ZNF385D: variants seen among roughly 807,000 people sequenced by gnomAD.
ZNF385D encodes zinc finger protein 385D, also known as zinc finger protein 659.
In ZNF385D, 15 loss-of-function variants were observed where a neutral mutation model predicts 35.8. The ratio of observed to expected loss-of-function variants is 0.42; its 90% confidence interval spans 0.28 to 0.64. ZNF385D has a LOEUF of 0.64. Ranked by LOEUF, ZNF385D falls within the 30% of genes least tolerant of loss-of-function variation. ZNF385D has a pLI of 0.23. For missense variants in ZNF385D, 474 were observed against 494.6 expected, an observed-to-expected ratio of 0.96 and a Z score of 0.39; for synonymous variants, 212 against 186.8, an observed-to-expected ratio of 1.13 and a Z score of -1.10.
At chr3:21,745,191 G>C (rs930760226) in intron 1 of ZNF385D, among the ~76,000 whole-genome samples, 10 of 152,192 alleles carry the variant, frequency 6.6e-5, no homozygotes, top group African/African-American at 2.4e-4. Flanking sequence ...TCCTGATACT[G>C]CTGCGAATTT....
intron 3 of ZNF385D, among the ~76,000 whole-genome samples, chr3:21,914,916 A>C (rs935230935): frequency 4.6e-5 from 7 of 152,016 alleles, no homozygotes; most frequent in Admixed American, 4.6e-4. Context: ...AAATGGCAAA[A>C]AAATTCAGTA....
chr3:21,640,032 G>C (rs1381768647), intron 2 of ZNF385D, among the ~76,000 whole-genome samples: 1 of 151,920 alleles, frequency 6.6e-6, no homozygotes, highest in Non-Finnish European at 1.5e-5. Flanking sequence ...TAAATTGTTA[G>C]CCTTAAATTA....
intron 3 of ZNF385D, among the ~76,000 whole-genome samples, chr3:21,869,962 G>A (rs923906210): frequency 1.8e-4 from 27 of 151,978 alleles, no homozygotes; most frequent in African/African-American, 6.5e-4. Flanking sequence ...TTTTTAAGTA[G>A]ATAAAACTCA....
At chr3:21,542,342 TTTC>T (rs778473834) in intron 3 of ZNF385D, among the ~76,000 whole-genome samples, 87 of 58,826 alleles carry the variant, frequency 1.5e-3, no homozygotes, top group African/African-American at 4.8e-3. Flanking sequence ...TTTTCTTCTC[TTTC>T]TTTTTTTTTT....
At chr3:22,303,690 G>C (rs377494373) in intron 2 of ZNF385D, among the ~76,000 whole-genome samples, 1 of 151,776 alleles carries the variant, frequency 6.6e-6, no homozygotes, top group African/African-American at 2.4e-5. Context: ...ATACGTTTAC[G>C]GTATATGTTT....
chr3:22,304,914 T>C (rs1186689583), intron 2 of ZNF385D, among the ~76,000 whole-genome samples: 2 of 152,152 alleles, frequency 1.3e-5, no homozygotes, highest in Non-Finnish European at 2.9e-5. Context: ...TCATTTATTT[T>C]CCTTATTTCT....
intron 2 of ZNF385D, among the ~76,000 whole-genome samples, chr3:22,295,283 G>T (rs1459858059): frequency 5.9e-5 from 9 of 152,014 alleles, no homozygotes; most frequent in Non-Finnish European, 1.2e-4. Context: ...TTGCACAAAA[G>T]ATAACATTCT....
chr3:21,456,064 T>A (rs1304527048), intron 4 of ZNF385D, among the ~76,000 whole-genome samples: 4 of 152,120 alleles, frequency 2.6e-5, no homozygotes, highest in Non-Finnish European at 4.4e-5. Flanking sequence ...TAGAATGGTG[T>A]TCATTAAAAA....
At chr3:21,797,148 A>G (rs926357616) in intron 3 of ZNF385D, among the ~76,000 whole-genome samples, 9 of 152,236 alleles carry the variant, frequency 5.9e-5, no homozygotes, top group Admixed American at 5.9e-4. Flanking sequence ...CAACAATTAG[A>G]GAACACAATT....
At chr3:22,306,342 C>T (rs1703218309) in intron 2 of ZNF385D, among the ~76,000 whole-genome samples, 1 of 148,690 alleles carries the variant, frequency 6.7e-6, no homozygotes, top group South Asian at 2.1e-4. Flanking sequence ...TAAAAAAAGT[C>T]TTTTTTTTTT....
chr3:21,922,481 G>C (rs1700518768), intron 3 of ZNF385D, among the ~76,000 whole-genome samples: 2 of 152,076 alleles, frequency 1.3e-5, no homozygotes, highest in South Asian at 2.1e-4. Flanking sequence ...CAGAAATAGA[G>C]TCACACACGT....
At chr3:21,637,383 T>C (rs1458884756) in intron 2 of ZNF385D, among the ~76,000 whole-genome samples, 2 of 152,108 alleles carry the variant, frequency 1.3e-5, no homozygotes, top group Non-Finnish European at 2.9e-5. Context: ...TATGTTTTTG[T>C]TTGCTTTGTC....
At chr3:21,592,497 T>A (rs952998998) in intron 2 of ZNF385D, among the ~76,000 whole-genome samples, 3 of 149,900 alleles carry the variant, frequency 2.0e-5, no homozygotes, top group African/African-American at 7.4e-5. Flanking sequence ...ATAGGATTTA[T>A]ATTTTCTCAT....
intron 1 of ZNF385D, among the ~76,000 whole-genome samples, chr3:21,698,729 A>G (rs893862552): frequency 5.2e-5 from 7 of 133,826 alleles, no homozygotes; most frequent in Admixed American, 1.5e-4. Context: ...GCCAACAAAC[A>G]TAAAAAAAAA....
intron 3 of ZNF385D, among the ~76,000 whole-genome samples, chr3:22,038,907 T>C (rs1698497409): frequency 6.7e-6 from 1 of 149,748 alleles, no homozygotes; most frequent in Non-Finnish European, 1.5e-5. Context: ...TATAAACATA[T>C]ATATTTTTTA....
chr3:21,433,963 C>A (rs555646592), intron 5 of ZNF385D, among the ~76,000 whole-genome samples: 1 of 152,190 alleles, frequency 6.6e-6, no homozygotes, highest in Non-Finnish European at 1.5e-5. Context: ...TTTGAGCTCA[C>A]TAAGGGCACG....
chr3:22,045,043 T>C (rs1576218944), intron 3 of ZNF385D, among the ~76,000 whole-genome samples: 1 of 152,234 alleles, frequency 6.6e-6, no homozygotes, highest in East Asian at 1.9e-4. Flanking sequence ...TAATTTTTGT[T>C]TGTTGATATT....
intron 2 of ZNF385D, among the ~76,000 whole-genome samples, chr3:22,341,436 A>G (rs1398612671): frequency 2.0e-5 from 3 of 152,150 alleles, no homozygotes; most frequent in Admixed American, 2.0e-4. Context: ...TGCTTTCTGG[A>G]CCTTTATTTT....
chr3:22,251,134 T>G (rs1700041015), intron 2 of ZNF385D, among the ~76,000 whole-genome samples: 1 of 152,084 alleles, frequency 6.6e-6, no homozygotes, highest in Admixed American at 6.6e-5. Flanking sequence ...TCCACCAAAT[T>G]TAAAAGACTT....
Sources: allele counts gnomAD v4.1 joint callset (sites outside exome capture counted in the v4.1 genomes callset), GRCh38; gene constraint gnomAD v4.1.1; transcripts MANE v1.5; gene names NCBI Gene and HGNC (gene_info 2026-07-23, HGNC 2026-07-21).